Variants in CABP5 observed in about 807,000 individuals in gnomAD.
The protein encoded by CABP5 is calcium binding protein 5, also known as calcium-binding protein 5.
A neutral mutation model predicts 21.9 loss-of-function variants in CABP5; 17 were observed. That is an observed-to-expected ratio of 0.78 (90% CI 0.53 to 1.17). CABP5 has a LOEUF of 1.17. Ranked by LOEUF, CABP5 falls within the 50% of genes most tolerant of loss-of-function variation. CABP5 has a pLI of 0.00. For missense variants in CABP5, 229 were observed against 228.9 expected (o/e 1.00, Z 0.00); for synonymous variants, 85 against 79.4 (o/e 1.07, Z -0.37).
intron 5 of CABP5, 73 bp from the exon 6 acceptor site, chr19:48,030,655 T>G: frequency 6.8e-7 from 1 of 1,466,274 alleles, no homozygotes; most frequent in Non-Finnish European, 9.5e-7. Context: ...TTTGAGCCCT[T>G]CCTATGTGGC....
chr19:48,033,207 T>A (rs1404725010), intron 5 of CABP5, among the ~76,000 whole-genome samples: 2 of 152,118 alleles, frequency 1.3e-5, no homozygotes, highest in Non-Finnish European at 2.9e-5. Context: ...TTTCGCCATG[T>A]TGGCCAGGCT....
chr19:48,040,560 ATCCCT>A (rs753457875), intron 3 of CABP5, 40 bp downstream of exon 3: 26 of 1,609,178 alleles, frequency 1.6e-5, no homozygotes, highest in Non-Finnish European at 2.1e-5. Context: ...TTCTGCCCTG[ATCCCT>A]TCCCTAACCC....
chr19:48,041,243 C>A, intron 2 of CABP5: 1 of 378,784 alleles, frequency 2.6e-6, no homozygotes, highest in Non-Finnish European at 4.7e-6. Flanking sequence ...GCAAAAGAGG[C>A]ATCATTCCTG....
In CABP5 at chr19:48,043,864, T is replaced by G; in HGVS notation, c.59A>C (p.Gln20Pro). 6.7e-7 allele frequency: 1 copy of G among 1,486,708 alleles called. No homozygotes were observed. Among genetic ancestry groups the G allele is most frequent in the Non-Finnish European group, 8.9e-7 (1 of 1,120,104 alleles). 92.1% of individuals were successfully genotyped at this position (1,486,708 alleles called of 1,614,324 possible). Residue 20 changes from glutamine to proline, a missense_variant, in exon 1 of 6, where the codon CAG (glutamine) becomes CCG (proline). By Grantham distance (76) the Gln-to-Pro change is moderately conservative. Transcript: ENST00000293255. ...IFLRKGIAEKQRERPLGQDEI... is the reference protein window; with the variant it reads ...IFLRKGIAEKPRERPLGQDEI... The stretch of plus-strand genomic sequence containing the variant: ...CCCCCTCACTCCCCACCTCACCCGC[T>G]GTTTCTCAGCAATGCCTTTCCTCAA...
chr19:48,042,637 C>T (rs1034483527), intron 1 of CABP5, among the ~76,000 whole-genome samples: 4 of 150,752 alleles, frequency 2.7e-5, no homozygotes, highest in Admixed American at 6.6e-5. Flanking sequence ...TGCAGTGGCA[C>T]GAACTCGGCT....
Position 48,043,852 on chromosome 19 carries a change from C to T in CABP5, c.63+8G>A, listed in dbSNP as rs763183255. ...CCCACCGCCCTTCCCCCTCACTCCC[C>T]ACCTCACCCGCTGTTTCTCAGCAAT... On this transcript the variant is annotated splice_region_variant and intron_variant, in intron 1 of 5. Transcript: ENST00000293255. The T allele has an allele frequency of 6.7e-7, 1 of 1,501,272 alleles. No homozygotes were observed. The highest frequency in any genetic ancestry group is 8.8e-7 in the Non-Finnish European group (1 of 1,129,956). The allele number at this position is 1,501,272 out of a possible 1,614,324, so 93.0% of individuals were successfully genotyped here.
intron 1 of CABP5, among the ~76,000 whole-genome samples, chr19:48,042,432 A>G (rs1967492656): frequency 6.6e-6 from 1 of 152,114 alleles, no homozygotes; most frequent in African/African-American, 2.4e-5. Context: ...GCTTACATAT[A>G]CATGGCATGT....
chr19:48,042,183 T>C (rs563517410), intron 1 of CABP5, among the ~76,000 whole-genome samples: 53 of 152,166 alleles, frequency 3.5e-4, no homozygotes, highest in East Asian at 5.9e-4. Context: ...AGACACAGTA[T>C]TGGGATTTGA....
At chr19:48,042,581 T>TC (rs374741958) in intron 1 of CABP5, among the ~76,000 whole-genome samples, 32,702 of 104,396 alleles carry the variant, frequency 0.31, 4,445 homozygotes, top group Middle Eastern at 0.42. Context: ...TCTCTCTCTC[T>TC]TTTTTTTTTT....
intron 5 of CABP5, among the ~76,000 whole-genome samples, chr19:48,033,893 C>T (rs573334004): frequency 6.6e-6 from 1 of 152,094 alleles, no homozygotes; most frequent in Non-Finnish European, 1.5e-5. Context: ...TCTGATGGGA[C>T]AAGTTCTTCC....
Position 48,040,636 on chromosome 19 carries a change from C to G in CABP5, c.207G>C (p.Leu69=). Residue 69 remains leucine, a synonymous_variant, in exon 3 of 6, where the codon CTG becomes CTC. Transcript: ENST00000293255. ...TGCGGATTTGCTGGCCGAGCTCAAT[C>G]AGTTCCATCTCCGTGGGCATGTAAC... ...TMGYMPTEME[L]IELGQQIRMN... is the part of the protein sequence containing the mutation. 6.2e-7 allele frequency: 1 copy of G among 1,614,020 alleles called. No individual in the cohort carries two copies. The highest frequency in any genetic ancestry group is 8.5e-7 in the Non-Finnish European group (1 of 1,179,920).
chr19:48,041,591 C>T lies in CABP5; in HGVS notation c.76G>A (p.Gly26Arg). The T allele has an allele frequency of 6.2e-7, 1 of 1,610,900 alleles. No individual in the cohort carries two copies. Among genetic ancestry groups the T allele is most frequent in the Non-Finnish European group, 8.5e-7 (1 of 1,179,064 alleles). The stretch of plus-strand genomic sequence containing the variant: ...GTGTTACCTTCAATCTCATCTTGTC[C>T]CAGTGGTCTTTCCTGGAAAGGAATG... Reference protein sequence around the residue: ...IAEKQRERPLGQDEIEELREA... With the variant: ...IAEKQRERPLRQDEIEELREA... Residue 26 changes from glycine (G) to arginine (R), a missense_variant, in exon 2 of 6, where the codon GGA becomes AGA. By Grantham distance (125) the Gly-to-Arg change is moderately radical (BLOSUM62 -2). Coordinates refer to ENST00000293255, the MANE Select transcript of CABP5 (RefSeq NM_019855.5).
Position 48,029,504 on chromosome 19 carries a change from G to T in CABP5, c.*1053C>A, listed in dbSNP as rs778373084. 6.6e-6 allele frequency among the ~76,000 whole-genome samples: 1 copy of T among 152,042 alleles called. No individual in the cohort carries two copies. The highest frequency in any genetic ancestry group is 1.5e-5 in the Non-Finnish European group (1 of 68,014). ...TCATGGCACAGATCGATGTCAGGAC[G>T]TGAGGGACGGAACAGACGACCCATC... On this transcript the variant is annotated 3_prime_UTR_variant, in exon 6 of 6. Transcript: ENST00000293255.
intron 5 of CABP5, 116 bp from the exon 6 acceptor site, chr19:48,030,698 A>C: frequency 1.1e-6 from 1 of 938,698 alleles, no homozygotes; most frequent in Non-Finnish European, 1.7e-6. Context: ...GAAATTACTT[A>C]ATCCCTCTAT....
rs192806646 is a variant in CABP5, at chr19:48,033,796, A to G, written c.496+419T>C. Among the ~76,000 whole-genome samples, 10 of 152,304 alleles carry G rather than the reference A, an allele frequency of 6.6e-5. No individual in the cohort carries two copies. The East Asian group carries it at 1.7e-3, about 26-fold the overall frequency. ...TTAAAGAGAAAAAGGGAGTAGCATA[A>G]GCCACATGCTGAGTCAGCGATGATC... On this transcript the variant is annotated intron_variant, in intron 5 of 5. Transcript: ENST00000293255.
chr19:48,030,893 C>T (rs1420098174), intron 5 of CABP5, among the ~76,000 whole-genome samples: 5 of 150,678 alleles, frequency 3.3e-5, no homozygotes, highest in African/African-American at 1.0e-4. Flanking sequence ...TTTGGGAGGC[C>T]GAGGTGGGCA....
chr19:48,037,837 G>A (rs568510770), intron 4 of CABP5, among the ~76,000 whole-genome samples: 13 of 152,228 alleles, frequency 8.5e-5, no homozygotes, highest in African/African-American at 2.9e-4. Context: ...ATACAAGTAC[G>A]TTATGCTAAT....
At position 48,042,269 on chromosome 19, in the gene CABP5, C is replaced by T. The variant is rs144076866; in HGVS notation, c.64-666G>A. On this transcript the variant is annotated intron_variant, in intron 1 of 5. Coordinates refer to ENST00000293255, the MANE Select transcript of CABP5 (RefSeq NM_019855.5). Reference sequence around the variant, plus strand: ...CACTCCTTTCTCACCTGCCTCCAATCTTCCTGCCAAAGGTTAGAATCTCTG... The same window carrying T: ...CACTCCTTTCTCACCTGCCTCCAATTTTCCTGCCAAAGGTTAGAATCTCTG... Among the ~76,000 whole-genome samples, 18 of 152,304 alleles carry T rather than the reference C, an allele frequency of 1.2e-4. No individual in the cohort carries two copies. The South Asian group carries it at 1.5e-3, about 12-fold the overall frequency.
At chr19:48,031,653 C>T (rs976901261) in intron 5 of CABP5, among the ~76,000 whole-genome samples, 3 of 152,156 alleles carry the variant, frequency 2.0e-5, no homozygotes, top group African/African-American at 7.2e-5. Flanking sequence ...GCGAGGGTCA[C>T]CAACATACCT....
Sources: gnomAD v4.1 joint callset for allele counts (sites outside exome capture counted in the v4.1 genomes callset) on GRCh38, gnomAD v4.1.1 for gene constraint, MANE v1.5 for transcripts, NCBI Gene and HGNC (gene_info 2026-07-23, HGNC 2026-07-21) for gene names.